CNTNAP5: variants seen among roughly 807,000 people sequenced by gnomAD.
CNTNAP5 encodes the protein contactin associated protein family member 5, also known as contactin-associated protein-like 5.
A neutral mutation model predicts 150.2 loss-of-function variants in CNTNAP5; 72 were observed. The observed-to-expected ratio is 0.48, with a 90% CI of 0.40 to 0.58. CNTNAP5 has a LOEUF of 0.58. CNTNAP5 is among the 20% of genes least tolerant of loss of function. The probability of loss-of-function intolerance (pLI) is 0.00; values close to 1 mark genes in which losing one functional copy is unlikely to be tolerated. For synonymous variants in CNTNAP5, 672 were observed against 619.8 expected, an observed-to-expected ratio of 1.08 and a Z score of -1.25; for missense variants, 1,636 against 1,626.2, an observed-to-expected ratio of 1.01 and a Z score of -0.10.
intron 6 of CNTNAP5, among the ~76,000 whole-genome samples, chr2:124,461,802 A>G (rs1026299917): frequency 6.6e-6 from 1 of 151,226 alleles, no homozygotes; most frequent in Non-Finnish European, 1.5e-5. Flanking sequence ...TGGAGGTTGC[A>G]GTGAGCCAAG....
chr2:124,189,742 T>G (rs2104692693), intron 1 of CNTNAP5, among the ~76,000 whole-genome samples: 1 of 152,362 alleles, frequency 6.6e-6, no homozygotes, highest in South Asian at 2.1e-4. Flanking sequence ...AAGACTTTTG[T>G]TGGCATCTAT....
chr2:124,235,449 C>T (rs1686724978), intron 2 of CNTNAP5, among the ~76,000 whole-genome samples: 3 of 152,018 alleles, frequency 2.0e-5, no homozygotes, highest in Non-Finnish European at 2.9e-5. Context: ...TTAGATGCCA[C>T]CCTGCTCTTC....
At chr2:124,610,391 A>G (rs1573495344) in intron 12 of CNTNAP5, among the ~76,000 whole-genome samples, 1 of 152,260 alleles carries the variant, frequency 6.6e-6, no homozygotes, top group Middle Eastern at 3.4e-3. Context: ...AATAGTGGCT[A>G]CCCCCAGAGC....
intron 1 of CNTNAP5, among the ~76,000 whole-genome samples, chr2:124,059,516 A>T (rs566300234): frequency 1.3e-5 from 2 of 152,290 alleles, no homozygotes; most frequent in East Asian, 3.9e-4. Context: ...GATGCACAGG[A>T]TGTCATTCCT....
At chr2:124,026,497 C>T (rs1326000267) in intron 1 of CNTNAP5, among the ~76,000 whole-genome samples, 1 of 152,240 alleles carries the variant, frequency 6.6e-6, no homozygotes, top group Non-Finnish European at 1.5e-5. Context: ...GATCCACCAA[C>T]TGCACTATAT....
At chr2:124,834,719 G>C (rs1017685219) in intron 19 of CNTNAP5, among the ~76,000 whole-genome samples, 8 of 151,862 alleles carry the variant, frequency 5.3e-5, no homozygotes, top group African/African-American at 1.7e-4. Flanking sequence ...CTGCTTACCT[G>C]TCTGCAGCTG....
intron 14 of CNTNAP5, among the ~76,000 whole-genome samples, chr2:124,751,384 C>G (rs1326161551): frequency 6.6e-6 from 1 of 152,196 alleles, no homozygotes; most frequent in African/African-American, 2.4e-5. Flanking sequence ...GGTTATGAAG[C>G]TCCTTGTATG....
At chr2:124,219,586 C>A (rs1047227892) in intron 1 of CNTNAP5, among the ~76,000 whole-genome samples, 3 of 151,862 alleles carry the variant, frequency 2.0e-5, no homozygotes, top group Non-Finnish European at 4.4e-5. Context: ...TGCTTAAGAC[C>A]TATATATGTG....
chr2:124,320,951 GTTTA>G (rs1399328207), intron 3 of CNTNAP5, among the ~76,000 whole-genome samples: 1 of 152,144 alleles, frequency 6.6e-6, no homozygotes, highest in Admixed American at 6.5e-5. Context: ...GCTGGGTTGA[GTTTA>G]AGGGAAGATG....
intron 1 of CNTNAP5, among the ~76,000 whole-genome samples, chr2:124,075,100 G>T (rs1682406979): frequency 6.6e-6 from 1 of 151,954 alleles, no homozygotes; most frequent in African/African-American, 2.4e-5. Flanking sequence ...AATGAATAGG[G>T]ATATGAAAAA....
chr2:124,670,224 T>C (rs1414410354), intron 13 of CNTNAP5, among the ~76,000 whole-genome samples: 2 of 90,594 alleles, frequency 2.2e-5, no homozygotes, highest in Non-Finnish European at 4.6e-5. Flanking sequence ...CCTCTTTCTT[T>C]CTTTCTTTCT....
chr2:124,385,879 A>T (rs940065005), intron 3 of CNTNAP5, among the ~76,000 whole-genome samples: 1 of 152,176 alleles, frequency 6.6e-6, no homozygotes, highest in Non-Finnish European at 1.5e-5. Context: ...TTCTGAGATA[A>T]TACATTCATT....
intron 13 of CNTNAP5, among the ~76,000 whole-genome samples, chr2:124,661,887 TA>T (rs1678599999): frequency 6.6e-6 from 1 of 152,140 alleles, no homozygotes; most frequent in African/African-American, 2.4e-5. Flanking sequence ...TATTATACTT[TA>T]AGTTCTAGGT....
At chr2:124,601,849 C>T (rs1696992172) in intron 11 of CNTNAP5, among the ~76,000 whole-genome samples, 1 of 152,148 alleles carries the variant, frequency 6.6e-6, no homozygotes. Context: ...ACAACTGATA[C>T]ATCACAAAGC....
intron 3 of CNTNAP5, among the ~76,000 whole-genome samples, chr2:124,245,346 T>C (rs1206754699): frequency 6.6e-6 from 1 of 152,144 alleles, no homozygotes; most frequent in Non-Finnish European, 1.5e-5. Context: ...ATTAAAGAGA[T>C]TATCTTGAGA....
chr2:124,786,244 T>C (rs1272136397), intron 17 of CNTNAP5, among the ~76,000 whole-genome samples: 7 of 147,398 alleles, frequency 4.7e-5, no homozygotes. Context: ...GCCTGGATGA[T>C]AGAATATGAC....
chr2:124,537,037 T>TGTGTGTGAGAGA (rs763560577), intron 10 of CNTNAP5, among the ~76,000 whole-genome samples: 28 of 150,644 alleles, frequency 1.9e-4, no homozygotes, highest in African/African-American at 6.1e-4. Flanking sequence ...TGTGTGTGTG[T>TGTGTGTGAGAGA]GAGAGAGAGA....
chr2:124,878,329 G>A (rs544338386), intron 21 of CNTNAP5, among the ~76,000 whole-genome samples: 41 of 152,148 alleles, frequency 2.7e-4, no homozygotes, highest in African/African-American at 7.9e-4. Flanking sequence ...AACTTCAGTC[G>A]TCTCAATTAG....
At chr2:124,577,941 G>A (rs1696326276) in intron 11 of CNTNAP5, among the ~76,000 whole-genome samples, 1 of 152,022 alleles carries the variant, frequency 6.6e-6, no homozygotes, top group African/African-American at 2.4e-5. Context: ...ACTGGTATCA[G>A]CCAGAGTTCA....
Sources: gnomAD v4.1 joint callset for allele counts (sites outside exome capture counted in the v4.1 genomes callset) on GRCh38, gnomAD v4.1.1 for gene constraint, MANE v1.5 for transcripts, NCBI Gene and HGNC (gene_info 2026-07-23, HGNC 2026-07-21) for gene names.